MAP2: variants seen among roughly 807,000 people sequenced by gnomAD.
The protein encoded by MAP2 is microtubule associated protein 2, also known as microtubule-associated protein 2.
MAP2 carries 14 observed loss-of-function variants against 137.6 expected under a neutral mutation model. The observed-to-expected ratio is 0.10, with a 90% CI of 0.07 to 0.16. MAP2 has a LOEUF of 0.16. Ranked by LOEUF, MAP2 falls within the 10% of genes least tolerant of loss-of-function variation. The probability of loss-of-function intolerance (pLI) is 1.00; values close to 1 mark genes in which losing one functional copy is unlikely to be tolerated. For missense variants in MAP2, 2,088 were observed against 2,191.5 expected, an observed-to-expected ratio of 0.95 and a Z score of 0.94; for synonymous variants, 786 against 782.3, an observed-to-expected ratio of 1.00 and a Z score of -0.08.
At chr2:209,638,550 C>T (rs1461176563) in intron 4 of MAP2, among the ~76,000 whole-genome samples, 2 of 152,132 alleles carry the variant, frequency 1.3e-5, no homozygotes, top group Admixed American at 6.6e-5. Context: ...TAATATTTAC[C>T]TTTCCCTGGA....
At chr2:209,715,726 A>G (rs2067317340) in intron 13 of MAP2, among the ~76,000 whole-genome samples, 1 of 152,184 alleles carries the variant, frequency 6.6e-6, no homozygotes, top group Non-Finnish European at 1.5e-5. Flanking sequence ...GGCAAAGGGA[A>G]CCACACATCC....
intron 1 of MAP2, among the ~76,000 whole-genome samples, chr2:209,435,998 T>TATA (rs1559159527): frequency 2.3e-5 from 2 of 88,806 alleles, no homozygotes; most frequent in Non-Finnish European, 2.0e-5. Flanking sequence ...TATTATATAC[T>TATA]ATATATACAG....
chr2:209,562,385 G>A (rs1281286630), intron 2 of MAP2, among the ~76,000 whole-genome samples: 1 of 149,664 alleles, frequency 6.7e-6, no homozygotes, highest in African/African-American at 2.5e-5. Context: ...CACTGGGGGT[G>A]TCTCCAGCTT....
At chr2:209,597,959 C>T (rs1391039954) in intron 3 of MAP2, among the ~76,000 whole-genome samples, 1 of 152,052 alleles carries the variant, frequency 6.6e-6, no homozygotes, top group African/African-American at 2.4e-5. Context: ...GCCCATCTTC[C>T]TACAAGACTA....
At chr2:209,720,214 G>A (rs959621808) in intron 13 of MAP2, among the ~76,000 whole-genome samples, 7 of 152,058 alleles carry the variant, frequency 4.6e-5, no homozygotes, top group Non-Finnish European at 1.0e-4. Flanking sequence ...TTTGAATAGG[G>A]GAGAGCTATA....
intron 14 of MAP2, among the ~76,000 whole-genome samples, chr2:209,727,229 G>T (rs1283932917): frequency 6.6e-6 from 1 of 152,198 alleles, no homozygotes; most frequent in African/African-American, 2.4e-5. Context: ...CAGGAAGGTT[G>T]TCCCATACTT....
intron 1 of MAP2, among the ~76,000 whole-genome samples, chr2:209,471,456 T>C (rs1472761559): frequency 6.6e-6 from 1 of 152,196 alleles, no homozygotes; most frequent in Non-Finnish European, 1.5e-5. Flanking sequence ...AATTGTTAAA[T>C]AAAAGTAGGT....
intron 1 of MAP2, among the ~76,000 whole-genome samples, chr2:209,489,406 C>A (rs1278406101): frequency 6.6e-6 from 1 of 152,120 alleles, no homozygotes; most frequent in Non-Finnish European, 1.5e-5. Flanking sequence ...CATAACTCCT[C>A]GCCAGCAAGG....
intron 2 of MAP2, among the ~76,000 whole-genome samples, chr2:209,530,150 T>G (rs1205177196): frequency 3.3e-5 from 5 of 152,094 alleles, no homozygotes; most frequent in Non-Finnish European, 1.5e-5. Flanking sequence ...AGATGGCTGC[T>G]TCTGCCCCCA....
intron 1 of MAP2, among the ~76,000 whole-genome samples, chr2:209,482,341 C>T (rs2057824851): frequency 6.6e-6 from 1 of 152,038 alleles, no homozygotes; most frequent in Non-Finnish European, 1.5e-5. Context: ...TTAAAAAAAA[C>T]TCACAGTCAT....
intron 2 of MAP2, among the ~76,000 whole-genome samples, chr2:209,527,265 T>C (rs922948696): frequency 5.9e-5 from 9 of 152,174 alleles, no homozygotes; most frequent in African/African-American, 2.2e-4. Flanking sequence ...ATTACTGATA[T>C]ATCTGATATA....
rs1559259062 is a variant in MAP2, at chr2:209,512,602, A to AC, written c.-172+4961_-172+4962insC. Among the ~76,000 whole-genome samples, 384 of 114,922 alleles carry AC rather than the reference A, an allele frequency of 3.3e-3. 4 individuals carry two copies. Among genetic ancestry groups the AC allele is most frequent in the Non-Finnish European group, 1.0e-3 (55 of 52,984 alleles). 75.4% of individuals were successfully genotyped at this position (114,922 alleles called of 152,430 possible). ...ACACACACACACACACACACACACA[A>AC]ACACATATATATATAAAATGTATGA... On this transcript the variant is annotated intron_variant, in intron 2 of 15. Coordinates refer to ENST00000682079, the MANE Select transcript of MAP2 (RefSeq NM_001375505.1).
intron 13 of MAP2, among the ~76,000 whole-genome samples, chr2:209,720,726 A>AT (rs1216254550): frequency 6.7e-6 from 1 of 149,394 alleles, no homozygotes; most frequent in Non-Finnish European, 1.5e-5. Flanking sequence ...TATTATTCAG[A>AT]TTTTTTCCTT....
At chr2:209,624,070 A>G (rs1194946090) in intron 3 of MAP2, among the ~76,000 whole-genome samples, 2 of 152,172 alleles carry the variant, frequency 1.3e-5, no homozygotes, top group Non-Finnish European at 2.9e-5. Flanking sequence ...CCATATACAC[A>G]TTGGTCCTTA....
At chr2:209,474,475 G>C (rs930510597) in intron 1 of MAP2, among the ~76,000 whole-genome samples, 2 of 152,024 alleles carry the variant, frequency 1.3e-5, no homozygotes, top group Non-Finnish European at 2.9e-5. Flanking sequence ...TATAAAAGCA[G>C]ATTCTCAATG....
rs1318370896 is a variant in MAP2, at chr2:209,693,269, A to G, written c.1099A>G (p.Lys367Glu). ...CCCAGCTACTGCCAAAGATAGTTTTAAAATTGAAGAGCCCCATGAGGCTAA... is the reference window on the plus strand; with the variant it reads ...CCCAGCTACTGCCAAAGATAGTTTTGAAATTGAAGAGCCCCATGAGGCTAA... ...SGPATAKDSF[K>E]IEEPHEAKPD... is the part of the protein sequence containing the mutation. Residue 367 changes from lysine (K) to glutamate (E), a missense_variant, in exon 8 of 16, where the codon AAA becomes GAA. By Grantham distance (56) the Lys-to-Glu change is moderately conservative. Transcript: ENST00000682079. 16 of 1,613,964 alleles carry G rather than the reference A, an allele frequency of 9.9e-6. No individual in the cohort carries two copies. The highest frequency in any genetic ancestry group is 1.4e-5 in the Non-Finnish European group (16 of 1,179,996).
chr2:209,489,960 T>G (rs949651533), intron 1 of MAP2, among the ~76,000 whole-genome samples: 9 of 151,642 alleles, frequency 5.9e-5, no homozygotes, highest in Admixed American at 4.0e-4. Flanking sequence ...AGATACTCCT[T>G]AAGAAGAGCA....
intron 4 of MAP2, among the ~76,000 whole-genome samples, chr2:209,635,344 A>G (rs2093457505): frequency 6.6e-6 from 1 of 152,180 alleles, no homozygotes; most frequent in African/African-American, 2.4e-5. Context: ...TGGCATAGCC[A>G]GTTAAAAACT....
In MAP2 at chr2:209,696,917, C is replaced by T; in HGVS notation, c.4388C>T (p.Ala1463Val). 6.3e-7 allele frequency: 1 copy of T among 1,594,752 alleles called. No homozygotes were observed. The change falls in exon 10 of 16, where the codon GCA (alanine) becomes GTA (valine). Residue 1463 changes from alanine (A) to valine (V), a missense_variant and splice_region_variant. Ala to Val is a moderately conservative substitution (Grantham distance 64, BLOSUM62 0). This residue lies in a region of MAP2 where 591 missense variants were observed against 642.6 expected (regional missense o/e 0.92). Coordinates refer to ENST00000682079, the MANE Select transcript of MAP2 (RefSeq NM_001375505.1). Reference protein sequence around the residue: ...VSRDEVRRKKAVYKKAELAKK... With the variant: ...VSRDEVRRKKVVYKKAELAKK... The stretch of plus-strand genomic sequence containing the variant: ...GCTTTTTGTGTTTTCTTATTCATAG[C>T]AGTTTATAAGAAGGCTGAACTTGCT...
Sources: allele counts gnomAD v4.1 joint callset (sites outside exome capture counted in the v4.1 genomes callset), GRCh38; gene constraint gnomAD v4.1.1; regional missense constraint gnomAD v4.1.1; transcripts MANE v1.5; gene names NCBI Gene and HGNC (gene_info 2026-07-23, HGNC 2026-07-21).